Variants in SEZ6L2 observed in about 807,000 individuals in gnomAD.
SEZ6L2 encodes seizure 6-like protein 2.
A neutral mutation model predicts 97.0 loss-of-function variants in SEZ6L2; 44 were observed. The ratio of observed to expected loss-of-function variants is 0.45; its 90% CI spans 0.36 to 0.58. The LOEUF (loss-of-function observed/expected upper bound fraction) is 0.58. Ranked by LOEUF, SEZ6L2 falls within the 20% of genes least tolerant of loss-of-function variation. The probability of loss-of-function intolerance (pLI) is 0.00; values close to 1 mark genes in which losing one functional copy is unlikely to be tolerated. For synonymous variants in SEZ6L2, 543 were observed against 546.1 expected, an observed-to-expected ratio of 0.99 and a Z score of 0.08; for missense variants, 1,086 against 1,233.3, an observed-to-expected ratio of 0.88 and a Z score of 1.79.
intron 12 of SEZ6L2, among the ~76,000 whole-genome samples, chr16:29,875,300 G>A (rs909953814): frequency 3.9e-5 from 6 of 152,200 alleles, no homozygotes; most frequent in Admixed American, 6.5e-5. Flanking sequence ...TGGCAGAGCC[G>A]GAATCTGCCC....
chr16:29,892,648 G>A (rs1189631962), intron 5 of SEZ6L2, among the ~76,000 whole-genome samples: 1 of 152,240 alleles, frequency 6.6e-6, no homozygotes, highest in Non-Finnish European at 1.5e-5. Context: ...TACCCTGCAT[G>A]AGGCACACAA....
At chr16:29,871,925 A>G (rs1471633901) in intron 17 of SEZ6L2, among the ~76,000 whole-genome samples, 197 bp from the exon 18 acceptor site, 1 of 152,156 alleles carries the variant, frequency 6.6e-6, no homozygotes, top group Non-Finnish European at 1.5e-5. Context: ...TGTCTTGAAT[A>G]ATTGGAAGAT....
chr16:29,887,697 C>A lies in SEZ6L2; in HGVS notation c.1160G>T (p.Arg387Leu), dbSNP rs776905172. The A allele has an allele frequency of 6.2e-7, 1 of 1,608,788 alleles. No homozygotes were observed. The highest frequency in any genetic ancestry group is 8.5e-7 in the Non-Finnish European group (1 of 1,176,860). Residue 387 changes from arginine to leucine, a missense_variant, in exon 7 of 18, where the codon CGG becomes CTG. Arg to Leu is a moderately radical substitution (Grantham distance 102, BLOSUM62 -2). Around this residue, in one of 2 missense-constraint regions of SEZ6L2, gnomAD observed 776 missense variants for 794.7 expected, o/e 0.98. Coordinates refer to ENST00000617533, the MANE Select transcript of SEZ6L2 (RefSeq NM_001243332.2). The stretch of plus-strand genomic sequence containing the variant: ...GACCCTTTCAAAGTGCAGGTGCAGC[C>A]GGCGCCCCTCAGCTGCTTCAATGAC... ...RWVIEAAEGRRLHLHFERVSL... is the reference protein window; with the variant it reads ...RWVIEAAEGRLLHLHFERVSL...
At chr16:29,879,832 T>A in intron 9 of SEZ6L2, 32 bp downstream of exon 9, 1 of 1,557,220 alleles carries the variant, frequency 6.4e-7, no homozygotes, top group Non-Finnish European at 8.7e-7. Context: ...CAACGTGGAC[T>A]GAAGGACATG....
In SEZ6L2 at chr16:29,895,253, C is replaced by T. The variant is rs2068357133; in HGVS notation, c.853+6G>A. On this transcript the variant is annotated splice_donor_region_variant and intron_variant, in intron 5 of 17. Coordinates refer to ENST00000617533, the MANE Select transcript of SEZ6L2 (RefSeq NM_001243332.2). The stretch of plus-strand genomic sequence containing the variant: ...GCCCTTCCAGCAGCACCCTCAAACT[C>T]CTCACCCTGATAGTGGATCCTGAAG... 6.2e-7 allele frequency: 1 copy of T among 1,613,244 alleles called. No individual in the cohort carries two copies.
At position 29,896,983 on chromosome 16, in the gene SEZ6L2, G is replaced by C; in HGVS notation, c.350C>G (p.Pro117Arg). 3 of 1,591,626 alleles carry C rather than the reference G, an allele frequency of 1.9e-6. No individual in the cohort carries two copies. Among genetic ancestry groups the C allele is most frequent in the Non-Finnish European group, 1.7e-6 (2 of 1,171,348 alleles). The change falls in exon 3 of 18, where the codon CCC (proline) becomes CGC (arginine). Residue 117 changes from proline to arginine, a missense_variant. This residue lies in a region of SEZ6L2 where 776 missense variants were observed against 794.7 expected (regional missense o/e 0.98). Transcript: ENST00000617533. ...VTPNGVRGAG[P>R]TAPELLTPPP... ...CGGGGTCAGCAGTTCTGGCGCAGTG[G>C]GGCCTGCCCCCCTGACCCCGTTAGG...
Position 29,885,573 on chromosome 16 carries a change from G to T in SEZ6L2, c.1372+13C>A. 6.2e-7 allele frequency: 1 copy of T among 1,609,948 alleles called. No individual in the cohort carries two copies. The highest frequency in any genetic ancestry group is 8.5e-7 in the Non-Finnish European group (1 of 1,176,852). On this transcript the variant is annotated intron_variant, in intron 8 of 17. Coordinates refer to ENST00000617533, the MANE Select transcript of SEZ6L2 (RefSeq NM_001243332.2). ...GTGGCGGTTGGGGTCCTGTGGGGGA[G>T]TGGGTCACTTACCTTCAAATCGAAG...
intron 8 of SEZ6L2, among the ~76,000 whole-genome samples, chr16:29,881,910 G>A (rs1157523476): frequency 5.5e-5 from 8 of 145,896 alleles, no homozygotes; most frequent in African/African-American, 2.0e-4. Context: ...GATTATAGGC[G>A]TGAGCCACCA....
At chr16:29,893,998 G>A (rs1444308478) in intron 5 of SEZ6L2, among the ~76,000 whole-genome samples, 1 of 152,180 alleles carries the variant, frequency 6.6e-6, no homozygotes, top group East Asian at 1.9e-4. Flanking sequence ...AGCCTCCCAA[G>A]TAACTGGGAT....
chr16:29,896,598 C>G (rs1298813708), intron 3 of SEZ6L2, among the ~76,000 whole-genome samples: 1 of 152,176 alleles, frequency 6.6e-6, no homozygotes, highest in Non-Finnish European at 1.5e-5. Flanking sequence ...GCAATGCTCC[C>G]TCTCCCACCT....
At position 29,876,997 on chromosome 16, in the gene SEZ6L2, G is replaced by A; in HGVS notation, c.1910-47C>T. The A allele has an allele frequency of 6.5e-7, 1 of 1,543,732 alleles. No individual in the cohort carries two copies. Among genetic ancestry groups the A allele is most frequent in the Non-Finnish European group, 8.8e-7 (1 of 1,134,064 alleles). ...TTTGGAGGCTGCGTTTTAACTGCGG[G>A]CTCCCTTCCAGCCTCGGAGGCTTTG... On this transcript the variant is annotated intron_variant, in intron 11 of 17. Coordinates refer to ENST00000617533, the MANE Select transcript of SEZ6L2 (RefSeq NM_001243332.2). The surrounding 1 kb of genome is among the most constrained non-coding windows in gnomAD (Gnocchi z 6.5).
chr16:29,876,780 C>A lies in SEZ6L2; in HGVS notation c.2080G>T (p.Ala694Ser), dbSNP rs1246138142. ...LTCQWDLSWS[A>S]APPACQKIMT... ...CTCTTTTGGCAGGCGGGCGGCGCGG[C>A]GCTCCAAGACAGGTCCCACTGGCAA... The change falls in exon 12 of 18, where the codon GCC becomes TCC. Residue 694 changes from alanine to serine, a missense_variant. Transcript: ENST00000617533. This position sits in a 1 kb window ranked among gnomAD's most constrained non-coding sequence, Gnocchi z 6.5. 3.2e-6 allele frequency: 5 copies of A among 1,558,678 alleles called. No homozygotes were observed. Among genetic ancestry groups the A allele is most frequent in the Non-Finnish European group, 4.3e-6 (5 of 1,151,204 alleles).
At chr16:29,896,425 A>AT (rs1396285867) in intron 3 of SEZ6L2, among the ~76,000 whole-genome samples, 2 of 152,078 alleles carry the variant, frequency 1.3e-5, no homozygotes, top group Non-Finnish European at 2.9e-5. Context: ...GATTACAGGC[A>AT]TGCGCCACCA....
intron 8 of SEZ6L2, among the ~76,000 whole-genome samples, chr16:29,880,938 AT>A (rs72168896): frequency 0.026 from 3,459 of 134,174 alleles, 118 homozygotes; most frequent in African/African-American, 0.087. Context: ...TCATTTTCTG[AT>A]TTTTTTTTTT....
At chr16:29,888,011 C>T (rs932017402) in intron 6 of SEZ6L2, among the ~76,000 whole-genome samples, 194 bp from the exon 7 acceptor site, 2 of 152,150 alleles carry the variant, frequency 1.3e-5, no homozygotes, top group African/African-American at 2.4e-5. Context: ...AAACCAGCCC[C>T]GGTACGGGAG....
At chr16:29,897,771 T>C in intron 2 of SEZ6L2, 82 bp downstream of exon 2, 1 of 1,470,946 alleles carries the variant, frequency 6.8e-7, no homozygotes, top group Non-Finnish European at 9.0e-7. Flanking sequence ...TGCCTGCTCT[T>C]CTCTAGCCTG....
chr16:29,896,465 GAC>G (rs1200095156), intron 3 of SEZ6L2, among the ~76,000 whole-genome samples: 4 of 152,002 alleles, frequency 2.6e-5, no homozygotes, highest in Non-Finnish European at 4.4e-5. Flanking sequence ...TTTTAGTAGA[GAC>G]AGGGTTTCTC....
At chr16:29,888,801 C>T in intron 5 of SEZ6L2, 76 bp from the exon 6 acceptor site, 2 of 1,351,112 alleles carry the variant, frequency 1.5e-6, no homozygotes, top group East Asian at 2.5e-5. Flanking sequence ...CAGCACTTCC[C>T]CCCTCTCCTT....
chr16:29,876,825 G>A lies in SEZ6L2; in HGVS notation c.2035C>T (p.Leu679=), dbSNP rs373907385. The part of the protein sequence containing the change: ...TYQCEPGYEL[L]GSDILTCQWD... Reference sequence around the variant, plus strand: ...TGGCAAGTGAGAATGTCGGAGCCTAGCAGCTCGTAGCCAGGCTCGCACTGG... The same window carrying A: ...TGGCAAGTGAGAATGTCGGAGCCTAACAGCTCGTAGCCAGGCTCGCACTGG... Residue 679 remains leucine, a synonymous_variant, in exon 12 of 18, where the codon CTA becomes TTA. Coordinates refer to ENST00000617533, the MANE Select transcript of SEZ6L2 (RefSeq NM_001243332.2). The surrounding 1 kb of genome is among the most constrained non-coding windows in gnomAD (Gnocchi z 6.5). 2 of 1,608,838 alleles carry A rather than the reference G, an allele frequency of 1.2e-6. No homozygotes were observed. The highest frequency in any genetic ancestry group is 1.7e-6 in the Non-Finnish European group (2 of 1,177,758).
Sources: allele counts gnomAD v4.1 joint callset (sites outside exome capture counted in the v4.1 genomes callset), GRCh38; gene constraint gnomAD v4.1.1; regional missense constraint gnomAD v4.1.1; non-coding constraint Gnocchi (gnomAD v3.1); transcripts MANE v1.5; gene names NCBI Gene and HGNC (gene_info 2026-07-23, HGNC 2026-07-21).